The following LARP4B variants were observed in gnomAD, a reference collection of about 807,000 sequenced individuals.
The protein encoded by LARP4B is la-related protein 4B.
In LARP4B, 12 loss-of-function variants were observed where a neutral mutation model predicts 89.8. The observed-to-expected ratio is 0.13, with a 90% CI of 0.09 to 0.22. The LOEUF (loss-of-function observed/expected upper bound fraction) is 0.22. Among genes scored for constraint, LARP4B ranks in the 10% least tolerant of loss-of-function variants. The pLI, the probability that LARP4B is intolerant of heterozygous loss-of-function variation, is 1.00. For missense variants in LARP4B, 757 were observed against 947.7 expected (o/e 0.80, Z 2.64); for synonymous variants, 367 against 363.3 (o/e 1.01, Z -0.12).
intron 1 of LARP4B, among the ~76,000 whole-genome samples, chr10:907,621 G>T (rs188611263): frequency 2.0e-5 from 3 of 152,320 alleles, no homozygotes; most frequent in African/African-American, 7.2e-5. Flanking sequence ...ATTGGGGGAT[G>T]TGAGATCGTG....
intron 5 of LARP4B, among the ~76,000 whole-genome samples, chr10:861,730 A>G (rs1477954951): frequency 6.6e-6 from 1 of 152,016 alleles, no homozygotes; most frequent in African/African-American, 2.4e-5. Context: ...CCCATCTTCC[A>G]TCCTCAAGAC....
chr10:961,032 TA>T, the LARP4B span, among the ~76,000 whole-genome samples: 5 of 152,088 alleles, frequency 3.3e-5, no homozygotes, highest in Non-Finnish European at 7.4e-5. Flanking sequence ...CCAGCACCAG[TA>T]GGAACGCCAA....
chr10:951,228 G>A, the LARP4B span, among the ~76,000 whole-genome samples: 1 of 152,082 alleles, frequency 6.6e-6, no homozygotes, highest in Non-Finnish European at 1.5e-5. Flanking sequence ...ATTAAGTTGA[G>A]GAAGCTTCCC....
At chr10:969,219 C>T in the LARP4B span, among the ~76,000 whole-genome samples, 3 of 152,188 alleles carry the variant, frequency 2.0e-5, no homozygotes, top group Non-Finnish European at 2.9e-5. Flanking sequence ...GTTCCTTTTA[C>T]GAGGTAGGCA....
At position 844,992 on chromosome 10, in the gene LARP4B, T is replaced by G. The variant is rs756223368; in HGVS notation, c.494A>C (p.Glu165Ala). ...CCAGCCTTACCTAGATAAGCAGAATTCCAATGTTTTTTTAAGTACTTCTCG... is the reference window on the plus strand; with the variant it reads ...CCAGCCTTACCTAGATAAGCAGAATGCCAATGTTTTTTTAAGTACTTCTCG... ...DPREVLKKTL[E>A]FCLSRENLAS... Residue 165 changes from glutamate to alanine, a missense_variant, in exon 6 of 18, where the codon GAA (glutamate) becomes GCA (alanine). Transcript: ENST00000316157. The G allele has an allele frequency of 6.2e-6, 10 of 1,611,720 alleles. No individual in the cohort carries two copies.
chr10:904,308 C>T (rs537331091), intron 1 of LARP4B, among the ~76,000 whole-genome samples: 5 of 152,188 alleles, frequency 3.3e-5, no homozygotes, highest in African/African-American at 1.2e-4. Context: ...AATCCCAGCA[C>T]TTTGGGAGGC....
intron 3 of LARP4B, among the ~76,000 whole-genome samples, chr10:876,960 A>T (rs1588954365): frequency 6.6e-6 from 1 of 152,138 alleles, no homozygotes; most frequent in South Asian, 2.1e-4. Context: ...TATGACTTGT[A>T]CCTTCTGGAG....
At chr10:934,878 C>T (rs568606497), upstream of LARP4B, among the ~76,000 whole-genome samples, 14 of 152,264 alleles carry the variant, frequency 9.2e-5, no homozygotes, top group African/African-American at 3.1e-4. Context: ...GATTCAGTGG[C>T]GTCGCGGTTG....
At chr10:818,897 T>C (rs1459994660) in intron 14 of LARP4B, 2 of 152,248 alleles carry the variant, frequency 1.3e-5, no homozygotes, top group East Asian at 3.8e-4. Context: ...AGAGAAAATA[T>C]GTCAGAAGTG....
At chr10:913,462 G>C (rs1003432971) in intron 1 of LARP4B, among the ~76,000 whole-genome samples, 11 of 151,612 alleles carry the variant, frequency 7.3e-5, no homozygotes, top group African/African-American at 1.9e-4. Flanking sequence ...TCATGACTTG[G>C]GTAGATCTTT....
At chr10:830,664 T>C (rs576576799) in intron 9 of LARP4B, among the ~76,000 whole-genome samples, 2 of 152,310 alleles carry the variant, frequency 1.3e-5, no homozygotes, top group East Asian at 3.9e-4. Flanking sequence ...GAAAGTAAAA[T>C]CACATGCTTT....
chr10:892,605 T>C (rs1176466352), intron 1 of LARP4B, among the ~76,000 whole-genome samples: 1 of 151,988 alleles, frequency 6.6e-6, no homozygotes, highest in Non-Finnish European at 1.5e-5. Flanking sequence ...AGTGGCGCGA[T>C]CTCAGCTCAC....
intron 7 of LARP4B, among the ~76,000 whole-genome samples, chr10:838,346 G>C (rs1833337497): frequency 6.6e-6 from 1 of 152,092 alleles, no homozygotes; most frequent in South Asian, 2.1e-4. Context: ...TTGACTGATG[G>C]AAAATAGTTG....
the LARP4B span, among the ~76,000 whole-genome samples, chr10:952,335 A>G: frequency 1.8e-5 from 2 of 108,208 alleles, no homozygotes; most frequent in African/African-American, 7.6e-5. Context: ...GCGAGACTCC[A>G]TCTCAAAAAA....
upstream of LARP4B, among the ~76,000 whole-genome samples, chr10:936,082 C>T (rs898856705): frequency 3.3e-5 from 5 of 152,088 alleles, no homozygotes; most frequent in South Asian, 2.1e-4. Flanking sequence ...CACTACTTCT[C>T]CAATGTGTAG....
intron 11 of LARP4B, among the ~76,000 whole-genome samples, chr10:828,132 T>C (rs537820500): frequency 2.8e-4 from 42 of 152,316 alleles, no homozygotes; most frequent in African/African-American, 9.4e-4. Context: ...AAAGCCCACA[T>C]GCCTCAGGAC....
chr10:968,777 C>T, the LARP4B span, among the ~76,000 whole-genome samples: 4 of 152,244 alleles, frequency 2.6e-5, no homozygotes, highest in South Asian at 2.1e-4. Context: ...TAGCTGTGGG[C>T]GTGAGCGCCT....
At position 814,243 on chromosome 10, in the gene LARP4B, G is replaced by A. The variant is rs557502760; in HGVS notation, c.1929+499C>T. The stretch of plus-strand genomic sequence containing the variant: ...GCTCCCCCAAGATCAAACTACAGAG[G>A]CCACAACTCAGAGTAAGAGAGGCCA... On this transcript the variant is annotated intron_variant, in intron 17 of 17. Transcript: ENST00000316157. The surrounding 1 kb of genome is among the most constrained non-coding windows in gnomAD (Gnocchi z 4.4). 9.9e-5 allele frequency among the ~76,000 whole-genome samples: 15 copies of A among 152,140 alleles called. No homozygotes were observed. Among genetic ancestry groups the A allele is most frequent in the Admixed American group, 8.5e-4 (13 of 15,276 alleles).
chr10:959,540 ATC>A, the LARP4B span, among the ~76,000 whole-genome samples: 1 of 1,606 alleles, frequency 6.2e-4, no homozygotes, highest in South Asian at 0.025. Context: ...CTCCCCGTCA[ATC>A]CCACCTCCCC....
Sources: gnomAD v4.1 joint callset for allele counts (sites outside exome capture counted in the v4.1 genomes callset) on GRCh38, gnomAD v4.1.1 for gene constraint, Gnocchi (gnomAD v3.1) non-coding constraint, MANE v1.5 for transcripts, NCBI Gene and HGNC (gene_info 2026-07-23, HGNC 2026-07-21) for gene names.